SYNPR: variants seen among roughly 807,000 people sequenced by gnomAD.
The protein encoded by SYNPR is synaptoporin.
Under a neutral mutation model 32.9 loss-of-function variants are expected in SYNPR, and 23 were observed. The ratio of observed to expected loss-of-function variants is 0.70; its 90% CI spans 0.50 to 0.99. SYNPR has a LOEUF of 0.99. Ranked by LOEUF, SYNPR falls within the 50% of genes least tolerant of loss-of-function variation. SYNPR has a pLI of 0.00. For missense variants in SYNPR, 318 were observed against 349.3 expected (o/e 0.91, Z 0.71); for synonymous variants, 146 against 135.9 (o/e 1.07, Z -0.52).
intron 4 of SYNPR, among the ~76,000 whole-genome samples, chr3:63,563,184 C>T (rs11713383): frequency 0.36 from 54,277 of 151,920 alleles, 9,934 homozygotes; most frequent in South Asian, 0.47. Flanking sequence ...ATCCCCAAGT[C>T]GCCAAGGATA....
chr3:63,244,307 A>C (rs1358460785), intron 1 of SYNPR, among the ~76,000 whole-genome samples: 1 of 152,082 alleles, frequency 6.6e-6, no homozygotes, highest in Non-Finnish European at 1.5e-5. Flanking sequence ...CTTCCATTAG[A>C]GTCTTCCCTT....
intron 4 of SYNPR, among the ~76,000 whole-genome samples, chr3:63,574,428 C>T (rs933380581): frequency 1.3e-5 from 2 of 151,996 alleles, no homozygotes; most frequent in African/African-American, 4.8e-5. Context: ...AGTGCTCTTC[C>T]CATGATGCCT....
At chr3:63,535,111 T>C (rs1702178625) in intron 3 of SYNPR, among the ~76,000 whole-genome samples, 1 of 152,096 alleles carries the variant, frequency 6.6e-6, no homozygotes, top group Non-Finnish European at 1.5e-5. Context: ...AGTAGCAGAA[T>C]TAAAGTAAAG....
chr3:63,588,167 CA>C (rs1294003010), intron 4 of SYNPR, among the ~76,000 whole-genome samples: 2 of 152,078 alleles, frequency 1.3e-5, no homozygotes, highest in East Asian at 3.9e-4. Flanking sequence ...CACATATATA[CA>C]TATATGAATT....
At chr3:63,370,811 G>C (rs904599609) in intron 2 of SYNPR, among the ~76,000 whole-genome samples, 26 of 152,268 alleles carry the variant, frequency 1.7e-4, no homozygotes, top group African/African-American at 6.0e-4. Context: ...TCATAGGTGA[G>C]AACCTTGTAA....
chr3:63,533,486 AG>A (rs1200687968), intron 3 of SYNPR, among the ~76,000 whole-genome samples: 1 of 152,174 alleles, frequency 6.6e-6, no homozygotes, highest in Non-Finnish European at 1.5e-5. Flanking sequence ...TCAGGGATAG[AG>A]ATAGGTTTTG....
At chr3:63,413,883 T>G (rs2088502210) in intron 2 of SYNPR, among the ~76,000 whole-genome samples, 1 of 152,022 alleles carries the variant, frequency 6.6e-6, no homozygotes, top group Admixed American at 6.6e-5. Flanking sequence ...AAAATGATAT[T>G]TTAGAAGCTA....
chr3:63,391,687 C>A (rs927615703), intron 2 of SYNPR, among the ~76,000 whole-genome samples: 1 of 152,072 alleles, frequency 6.6e-6, no homozygotes, highest in Admixed American at 6.5e-5. Flanking sequence ...GAATTATTAC[C>A]TCTCATAAAA....
At chr3:63,462,925 C>A (rs757297582) in intron 2 of SYNPR, among the ~76,000 whole-genome samples, 12 of 152,110 alleles carry the variant, frequency 7.9e-5, no homozygotes, top group Non-Finnish European at 1.5e-4. Context: ...CAGGCCCTGG[C>A]CACCAGGGAA....
intron 1 of SYNPR, among the ~76,000 whole-genome samples, chr3:63,228,614 A>G (rs185423510): frequency 1.2e-4 from 18 of 152,116 alleles, no homozygotes; most frequent in Admixed American, 5.9e-4. Context: ...TCTTCAGTTT[A>G]CCACACTCTC....
At chr3:63,543,235 C>G (rs191571828) in intron 3 of SYNPR, among the ~76,000 whole-genome samples, 2 of 152,160 alleles carry the variant, frequency 1.3e-5, no homozygotes, top group East Asian at 3.9e-4. Context: ...TCTAATGCAT[C>G]CCTCGAAAGA....
At chr3:63,457,798 G>A (rs1700510837) in intron 2 of SYNPR, among the ~76,000 whole-genome samples, 1 of 152,106 alleles carries the variant, frequency 6.6e-6, no homozygotes, top group South Asian at 2.1e-4. Context: ...CAGGAAGGGA[G>A]AAGACCCTAC....
rs10566584 is a variant in SYNPR at position 63,613,610 on chromosome 3, CAAAAAAA to C, written c.601-1591_601-1585del. On this transcript the variant is annotated intron_variant, in intron 5 of 5. Coordinates refer to ENST00000478300, the MANE Select transcript of SYNPR (RefSeq NM_001130003.2). ...TGCCTCAGTTCAATTTATGCTGCAG[CAAAAAAA>C]AAAAAAAAAAAAAAAAAAAAAAGTC... 7.6e-4 allele frequency among the ~76,000 whole-genome samples: 35 copies of C among 46,050 alleles called. No homozygotes were observed. The East Asian group carries it at 0.023, about 31-fold the overall frequency. The allele number at this position is 46,050 out of a possible 152,430, so 30.2% of individuals were successfully genotyped here.
chr3:63,238,556 A>C (rs1042062865), intron 1 of SYNPR, among the ~76,000 whole-genome samples: 1 of 152,132 alleles, frequency 6.6e-6, no homozygotes, highest in African/African-American at 2.4e-5. Flanking sequence ...GAAACACAGA[A>C]CAGGAGAACC....
At chr3:63,432,714 A>C (rs1033974618) in intron 2 of SYNPR, among the ~76,000 whole-genome samples, 3 of 152,144 alleles carry the variant, frequency 2.0e-5, no homozygotes, top group Admixed American at 6.5e-5. Flanking sequence ...TTGTTTCCAC[A>C]CTGTGGAGCT....
rs1700225589 is a variant in SYNPR at position 63,613,121 on chromosome 3, G to A, written c.601-2103G>A. 2.6e-5 allele frequency among the ~76,000 whole-genome samples: 4 copies of A among 151,162 alleles called. No individual in the cohort carries two copies. The South Asian group carries it at 8.4e-4, about 32-fold the overall frequency. On this transcript the variant is annotated intron_variant, in intron 5 of 5. Coordinates refer to ENST00000478300, the MANE Select transcript of SYNPR (RefSeq NM_001130003.2). Reference sequence around the variant, plus strand: ...CCAAGTACCCCTTCTGAGTACCTGGGACTACAGGCATGTGCTGCCATGCTC... The same window carrying A: ...CCAAGTACCCCTTCTGAGTACCTGGAACTACAGGCATGTGCTGCCATGCTC...
chr3:63,225,432 C>A (rs1202446780), upstream of SYNPR, among the ~76,000 whole-genome samples: 3 of 152,142 alleles, frequency 2.0e-5, no homozygotes, highest in Non-Finnish European at 4.4e-5. Context: ...TACAGAATCT[C>A]ATTTCAACAT....
chr3:63,487,520 C>G (rs769595866), intron 3 of SYNPR, among the ~76,000 whole-genome samples: 14 of 152,080 alleles, frequency 9.2e-5, no homozygotes, highest in Non-Finnish European at 1.6e-4. Flanking sequence ...GATATTTATT[C>G]TGGTTAATTA....
intron 3 of SYNPR, among the ~76,000 whole-genome samples, chr3:63,547,972 A>T (rs1267106121): frequency 6.6e-6 from 1 of 152,216 alleles, no homozygotes; most frequent in Non-Finnish European, 1.5e-5. Flanking sequence ...ATCCAGCAGT[A>T]GAAGTGAAAT....
Sources: gnomAD v4.1 joint callset for allele counts (sites outside exome capture counted in the v4.1 genomes callset) on GRCh38, gnomAD v4.1.1 for gene constraint, MANE v1.5 for transcripts, NCBI Gene and HGNC (gene_info 2026-07-23, HGNC 2026-07-21) for gene names.